Variants in PTK2B observed in about 807,000 individuals in gnomAD.
PTK2B encodes the protein protein tyrosine kinase 2 beta.
A neutral mutation model predicts 142.9 loss-of-function variants in PTK2B; 71 were observed. That is an observed-to-expected ratio of 0.50 (90% CI 0.41 to 0.61). PTK2B has a LOEUF of 0.61. PTK2B is among the 20% of genes least tolerant of loss of function. PTK2B has a pLI of 0.00. For missense variants in PTK2B, 1,105 were observed against 1,320.4 expected, an observed-to-expected ratio of 0.84 and a Z score of 2.53; for synonymous variants, 519 against 503.4, an observed-to-expected ratio of 1.03 and a Z score of -0.42.
intron 1 of PTK2B, among the ~76,000 whole-genome samples, chr8:27,352,092 G>A (rs959077562): frequency 6.6e-6 from 1 of 152,190 alleles, no homozygotes; most frequent in African/African-American, 2.4e-5. Context: ...GGGGACCCAC[G>A]GCGGGGGGGC....
At chr8:27,317,160 A>G (rs1334282831) in intron 3 of PTK2B, among the ~76,000 whole-genome samples, 1 of 152,218 alleles carries the variant, frequency 6.6e-6, no homozygotes, top group Non-Finnish European at 1.5e-5. Context: ...TCATTTTCAG[A>G]GCTAAGAAAC....
intron 1 of PTK2B, among the ~76,000 whole-genome samples, chr8:27,349,112 T>C (rs1804889391): frequency 6.6e-6 from 1 of 152,202 alleles, no homozygotes; most frequent in Admixed American, 6.5e-5. Context: ...TCTCTTCTGG[T>C]GTCCTTATTA....
intron 30 of PTK2B, 142 bp from the exon 31 acceptor site, chr8:27,458,152 C>A: frequency 1.3e-6 from 1 of 781,972 alleles, no homozygotes; most frequent in Non-Finnish European, 2.1e-6. Flanking sequence ...GTGTTGCATT[C>A]AGCCCTCTCC....
Position 27,444,222 on chromosome 8 carries a change from A to G in PTK2B, c.2165A>G (p.Tyr722Cys). 1 of 1,613,742 alleles carries G rather than the reference A, an allele frequency of 6.2e-7. No homozygotes were observed. Among genetic ancestry groups the G allele is most frequent in the Non-Finnish European group, 8.5e-7 (1 of 1,179,702 alleles). The change falls in exon 23 of 31, where the codon TAC (tyrosine) becomes TGC (cysteine). Residue 722 changes from tyrosine to cysteine, a missense_variant. Coordinates refer to ENST00000346049, the MANE Select transcript of PTK2B (RefSeq NM_173176.3). ...TCTCTCCAGCCCAGCCGACCTAAGT[A>G]CAGACCCCCTCCGCAAACCAACCTC... ...EPPPKPSRPK[Y>C]RPPPQTNLLA... is the part of the protein sequence containing the mutation.
chr8:27,397,478 T>C, intron 1 of PTK2B, 70 bp from the exon 2 acceptor site: 1 of 1,216,416 alleles, frequency 8.2e-7, no homozygotes, highest in Non-Finnish European at 1.2e-6. Context: ...GTGGGTGCTG[T>C]CCCTGGGGCC....
intron 26 of PTK2B, 33 bp downstream of exon 26, chr8:27,451,111 C>G: frequency 6.2e-7 from 1 of 1,604,334 alleles, no homozygotes. Flanking sequence ...CTCCTCCATG[C>G]CAAGGCCTGG....
At chr8:27,339,753 C>T (rs1433278744) in intron 1 of PTK2B, among the ~76,000 whole-genome samples, 3 of 152,168 alleles carry the variant, frequency 2.0e-5, no homozygotes, top group Non-Finnish European at 4.4e-5. Flanking sequence ...CAGTACACAG[C>T]AATGTGGACA....
At chr8:27,376,505 G>C (rs759405811) in intron 1 of PTK2B, among the ~76,000 whole-genome samples, 5 of 152,148 alleles carry the variant, frequency 3.3e-5, no homozygotes, top group Admixed American at 6.6e-5. Flanking sequence ...GGTAAAATGA[G>C]GCTGAGACCT....
chr8:27,390,145 G>C (rs11777854), intron 1 of PTK2B, among the ~76,000 whole-genome samples: 54,335 of 152,038 alleles, frequency 0.36, 10,736 homozygotes, highest in Middle Eastern at 0.5. Context: ...AGGCGCCTGT[G>C]GTGCTTTCGA....
chr8:27,411,619 A>G (rs1426396693), intron 2 of PTK2B, among the ~76,000 whole-genome samples: 1 of 152,204 alleles, frequency 6.6e-6, no homozygotes, highest in African/African-American at 2.4e-5. Flanking sequence ...AGTACATGTC[A>G]AAATTGGGTT....
intron 1 of PTK2B, among the ~76,000 whole-genome samples, chr8:27,369,265 T>C (rs1032642689): frequency 2.6e-5 from 4 of 152,088 alleles, no homozygotes; most frequent in Non-Finnish European, 5.9e-5. Context: ...CAGGATCCCT[T>C]CACTGGCATG....
In PTK2B at chr8:27,459,215, C is replaced by T; in HGVS notation, c.*706C>T. ...CCAAATCCGCTCTCTTCCTGCCCCT[C>T]TTTCTCTTTCTTCCTTTACTTTCCC... is the stretch of plus-strand genomic sequence containing the variant. On this transcript the variant is annotated 3_prime_UTR_variant, in exon 31 of 31. Transcript: ENST00000346049. 1 of 234,032 alleles carries T rather than the reference C, an allele frequency of 4.3e-6. No individual in the cohort carries two copies. Among genetic ancestry groups the T allele is most frequent in the Non-Finnish European group, 8.4e-6 (1 of 118,710 alleles). 14.5% of individuals were successfully genotyped at this position (234,032 alleles called of 1,614,324 possible).
At chr8:27,455,061 C>G (rs1197437469) in intron 30 of PTK2B, among the ~76,000 whole-genome samples, 1 of 152,100 alleles carries the variant, frequency 6.6e-6, no homozygotes, top group African/African-American at 2.4e-5. Flanking sequence ...TGAGATGGTT[C>G]CTGTAGTAGG....
At chr8:27,426,492 G>C (rs1438567720) in intron 5 of PTK2B, among the ~76,000 whole-genome samples, 1 of 152,224 alleles carries the variant, frequency 6.6e-6, no homozygotes, top group Non-Finnish European at 1.5e-5. Context: ...ACTCAACACA[G>C]AAAATTGGGA....
intron 5 of PTK2B, among the ~76,000 whole-genome samples, chr8:27,426,410 A>G (rs1445745673): frequency 6.6e-6 from 1 of 152,206 alleles, no homozygotes; most frequent in Non-Finnish European, 1.5e-5. Flanking sequence ...AGGTAGGCAC[A>G]GCCTCACTCA....
intron 30 of PTK2B, among the ~76,000 whole-genome samples, chr8:27,456,588 G>A (rs781522330): frequency 2.6e-5 from 4 of 152,088 alleles, no homozygotes; most frequent in South Asian, 2.1e-4. Context: ...ACCCTACAGC[G>A]GTCTCTGCAT....
intron 1 of PTK2B, chr8:27,380,806 G>C (rs1010861124): frequency 1.3e-5 from 2 of 152,168 alleles, no homozygotes; most frequent in African/African-American, 4.8e-5. Flanking sequence ...AGTCTCTCTC[G>C]ATTCAGTTCT....
intron 18 of PTK2B, 132 bp downstream of exon 18, chr8:27,438,012 T>C: frequency 2.7e-6 from 2 of 729,458 alleles, no homozygotes; most frequent in Non-Finnish European, 4.6e-6. Flanking sequence ...CCAGCAGCTT[T>C]GAGCACTTGA....
chr8:27,386,454 T>C (rs1271338360), intron 1 of PTK2B, among the ~76,000 whole-genome samples: 2 of 152,204 alleles, frequency 1.3e-5, no homozygotes, highest in Non-Finnish European at 1.5e-5. Context: ...TTCTTTTTTT[T>C]CCCTAGGTAA....
Sources: allele counts gnomAD v4.1 joint callset (sites outside exome capture counted in the v4.1 genomes callset), GRCh38; gene constraint gnomAD v4.1.1; transcripts MANE v1.5; gene names NCBI Gene and HGNC (gene_info 2026-07-23, HGNC 2026-07-21).